DYSF: variants seen among roughly 807,000 people sequenced by gnomAD.
DYSF encodes the protein dystrophy-associated fer-1-like 1.
A neutral mutation model predicts 274.9 loss-of-function variants in DYSF; 212 were observed. The ratio of observed to expected loss-of-function variants is 0.77; its 90% CI spans 0.69 to 0.86. The LOEUF is 0.86. Ranked by LOEUF, DYSF falls within the 40% of genes least tolerant of loss-of-function variation. The pLI is 0.00. For missense variants in DYSF, 2,666 were observed against 2,783.2 expected (o/e 0.96, Z 0.95); for synonymous variants, 1,091 against 1,078.7 (o/e 1.01, Z -0.22).
intron 17 of DYSF, chr2:71,549,415 C>T: frequency 6.2e-7 from 1 of 1,609,168 alleles, no homozygotes; most frequent in Non-Finnish European, 8.5e-7. Flanking sequence ...ACCTTGGGGA[C>T]AACCAGGGGA....
chr2:71,493,491 A>C (rs1015696544), intron 3 of DYSF, among the ~76,000 whole-genome samples: 4 of 152,226 alleles, frequency 2.6e-5, no homozygotes, highest in African/African-American at 9.6e-5. Context: ...TTGTGAGGGA[A>C]TAGAGCCAGC....
At chr2:71,647,586 A>G (rs2094586512) in intron 42 of DYSF, among the ~76,000 whole-genome samples, 1 of 152,246 alleles carries the variant, frequency 6.6e-6, no homozygotes, top group Admixed American at 6.5e-5. Flanking sequence ...CACAGACTTC[A>G]AAATATATGT....
chr2:71,668,628 T>G, intron 48 of DYSF, 126 bp from the exon 49 acceptor site: 3 of 878,820 alleles, frequency 3.4e-6, no homozygotes, highest in Non-Finnish European at 5.4e-6. Flanking sequence ...TTTAGGGCAG[T>G]GAGGCTTTCT....
At chr2:71,617,886 G>GTT (rs2093939534) in intron 40 of DYSF, among the ~76,000 whole-genome samples, 2 of 126,418 alleles carry the variant, frequency 1.6e-5, no homozygotes, top group Non-Finnish European at 3.5e-5. Context: ...TGGGGTGTGT[G>GTT]TGGTAGAGGT....
intron 17 of DYSF, among the ~76,000 whole-genome samples, chr2:71,547,976 G>C (rs1011217969): frequency 1.3e-5 from 2 of 152,206 alleles, no homozygotes; most frequent in African/African-American, 2.4e-5. Flanking sequence ...GTTTGCTTCC[G>C]GTGGTCCCTG....
intron 42 of DYSF, among the ~76,000 whole-genome samples, chr2:71,650,303 A>G (rs2094633680): frequency 1.3e-5 from 2 of 152,174 alleles, no homozygotes; most frequent in Admixed American, 1.3e-4. Context: ...CAATACAGCG[A>G]AACTCTGTCT....
chr2:71,585,913 T>C (rs1205175194), intron 30 of DYSF, among the ~76,000 whole-genome samples: 1 of 152,040 alleles, frequency 6.6e-6, no homozygotes, highest in African/African-American at 2.4e-5. Context: ...CAGGGTGACC[T>C]TGATGATAAG....
At chr2:71,484,784 A>C (rs1464878573) in intron 3 of DYSF, among the ~76,000 whole-genome samples, 1 of 151,178 alleles carries the variant, frequency 6.6e-6, no homozygotes, top group Admixed American at 6.7e-5. Flanking sequence ...AGCTGTGAAC[A>C]TATTTTTGGC....
chr2:71,465,624 G>A (rs560473786), upstream of DYSF, among the ~76,000 whole-genome samples: 4 of 152,314 alleles, frequency 2.6e-5, no homozygotes, highest in South Asian at 8.3e-4. Context: ...TTAGCCCTGT[G>A]AGAATGCTGT....
intron 30 of DYSF, among the ~76,000 whole-genome samples, chr2:71,577,466 ACT>A (rs147339232): frequency 9.4e-5 from 14 of 149,290 alleles, no homozygotes; most frequent in East Asian, 2.0e-4. Context: ...ACACCAACAC[ACT>A]CTCTACACAC....
intron 26 of DYSF, 65 bp from the exon 27 acceptor site, chr2:71,569,755 G>C: frequency 7.2e-7 from 1 of 1,386,900 alleles, no homozygotes; most frequent in Non-Finnish European, 1.0e-6. Flanking sequence ...CTCTCCAGGA[G>C]GTGGTAGATG....
At chr2:71,653,255 T>C (rs1293448626) in intron 42 of DYSF, among the ~76,000 whole-genome samples, 2 of 152,194 alleles carry the variant, frequency 1.3e-5, no homozygotes, top group African/African-American at 4.8e-5. Context: ...AGTGTGGTGA[T>C]TCCTCAGGGA....
chr2:71,631,512 C>G (rs1045702787), intron 41 of DYSF, among the ~76,000 whole-genome samples: 2 of 152,150 alleles, frequency 1.3e-5, no homozygotes, highest in African/African-American at 2.4e-5. Context: ...GTTTGATGCC[C>G]GTCACTGGTG....
intron 41 of DYSF, among the ~76,000 whole-genome samples, chr2:71,622,126 C>CTTTTTTT (rs1558651607): frequency 2.6e-5 from 1 of 38,746 alleles, no homozygotes; most frequent in African/African-American, 6.1e-5. Flanking sequence ...CAGATGATTT[C>CTTTTTTT]TTTGTTTTTT....
intron 10 of DYSF, among the ~76,000 whole-genome samples, chr2:71,518,540 C>T (rs1157816561): frequency 6.6e-6 from 1 of 151,154 alleles, no homozygotes; most frequent in Admixed American, 6.6e-5. Context: ...GTTGGGATTA[C>T]AGGCATGAGC....
In DYSF at chr2:71,503,254, G is replaced by T. The variant is rs759171890; in HGVS notation, c.280G>T (p.Ala94Ser). 1 of 1,613,914 alleles carries T rather than the reference G, an allele frequency of 6.2e-7. No individual in the cohort carries two copies. Among genetic ancestry groups the T allele is most frequent in the African/African-American group, 1.3e-5 (1 of 74,868 alleles). The change falls in exon 4 of 56, where the codon GCC (alanine) becomes TCC (serine). Residue 94 changes from alanine to serine, a missense_variant. By Grantham distance (99) the Ala-to-Ser change is moderately conservative. Transcript: ENST00000410020. ...EAKVPLREVL[A>S]TPSLSASFNA... is the part of the protein sequence containing the mutation. ...CAAGGTCCCACTCCGAGAGGTCCTC[G>T]CCACCCCTAGTCTGTCCGCCAGCTT...
At chr2:71,528,586 C>T (rs574625002) in intron 14 of DYSF, among the ~76,000 whole-genome samples, 185 bp downstream of exon 14, 28 of 152,154 alleles carry the variant, frequency 1.8e-4, no homozygotes, top group Admixed American at 4.6e-4. Flanking sequence ...GCCCCGCACA[C>T]GAATGTGGAC....
Position 71,664,400 on chromosome 2 carries a change from G to A in DYSF, c.5136G>A (p.Lys1712=). The change falls in exon 46 of 56, where the codon AAG becomes AAA. Residue 1712 remains lysine (K), a synonymous_variant. Transcript: ENST00000410020. The part of the protein sequence containing the change: ...VVDLENRLLS[K]FGARCGLPQT... Reference sequence around the variant, plus strand: ...ACCTGGAGAACAGGCTGCTGTCCAAGTTTGGGGCTCGCTGTGGACTCCCAC... The same window carrying A: ...ACCTGGAGAACAGGCTGCTGTCCAAATTTGGGGCTCGCTGTGGACTCCCAC... The A allele has an allele frequency of 1.2e-6, 2 of 1,614,216 alleles. No homozygotes were observed. Among genetic ancestry groups the A allele is most frequent in the East Asian group, 2.2e-5 (1 of 44,876 alleles).
At chr2:71,522,894 CTTG>C (rs965412928) in intron 12 of DYSF, among the ~76,000 whole-genome samples, 17 of 152,102 alleles carry the variant, frequency 1.1e-4, no homozygotes, top group African/African-American at 4.1e-4. Flanking sequence ...GTTGGCCAGT[CTTG>C]TTGGTGGAAA....
Sources: allele counts gnomAD v4.1 joint callset (sites outside exome capture counted in the v4.1 genomes callset), GRCh38; gene constraint gnomAD v4.1.1; transcripts MANE v1.5; gene names NCBI Gene and HGNC (gene_info 2026-07-23, HGNC 2026-07-21).